The following GRAMD2B variants were observed in gnomAD, a reference collection of about 807,000 sequenced individuals.
GRAMD2B encodes GRAM domain-containing protein 2B.
GRAMD2B carries 41 observed loss-of-function variants against 59.2 expected under a neutral mutation model. The observed-to-expected ratio is 0.69, with a 90% CI of 0.54 to 0.90. GRAMD2B has a LOEUF of 0.90. Among genes scored for constraint, GRAMD2B ranks in the 40% least tolerant of loss-of-function variants. The probability of loss-of-function intolerance (pLI) is 0.00; values close to 1 mark genes in which losing one functional copy is unlikely to be tolerated. For synonymous variants in GRAMD2B, 161 were observed against 182.7 expected (o/e 0.88, Z 0.96); for missense variants, 424 against 500.5 (o/e 0.85, Z 1.46).
chr5:126,385,009 G>A (rs994630351), intron 1 of GRAMD2B, among the ~76,000 whole-genome samples: 3 of 152,184 alleles, frequency 2.0e-5, no homozygotes, highest in African/African-American at 4.8e-5. Flanking sequence ...AGTAGACAAC[G>A]ATAAATGCTA....
chr5:126,452,417 T>C (rs1765543361), intron 1 of GRAMD2B, among the ~76,000 whole-genome samples: 1 of 152,162 alleles, frequency 6.6e-6, no homozygotes, highest in South Asian at 2.1e-4. Flanking sequence ...GACACAAACA[T>C]TCAGACCATA....
At chr5:126,491,475 C>T (rs1451883731) in intron 13 of GRAMD2B, among the ~76,000 whole-genome samples, 1 of 152,212 alleles carries the variant, frequency 6.6e-6, no homozygotes, top group Non-Finnish European at 1.5e-5. Flanking sequence ...ACTCATCCTG[C>T]TACTTCAGCT....
At chr5:126,475,934 C>G (rs1770501782) in intron 5 of GRAMD2B, among the ~76,000 whole-genome samples, 1 of 152,160 alleles carries the variant, frequency 6.6e-6, no homozygotes, top group Admixed American at 6.5e-5. Flanking sequence ...CATAGAGAAA[C>G]CCCTTCTCTA....
chr5:126,430,935 G>T (rs979326751), intron 1 of GRAMD2B, among the ~76,000 whole-genome samples: 2 of 152,054 alleles, frequency 1.3e-5, no homozygotes, highest in Non-Finnish European at 2.9e-5. Context: ...TTTATTACTG[G>T]TTTTTTTAAG....
At chr5:126,443,875 C>T (rs187829839) in intron 1 of GRAMD2B, among the ~76,000 whole-genome samples, 36 of 152,146 alleles carry the variant, frequency 2.4e-4, no homozygotes, top group East Asian at 9.7e-4. Flanking sequence ...CATAGTGAAA[C>T]GCTGTCTCTA....
chr5:126,415,013 C>G lies in GRAMD2B; in HGVS notation c.125+43446C>G, dbSNP rs184515718. Among the ~76,000 whole-genome samples the G allele has an allele frequency of 2.2e-4, 33 of 152,192 alleles. No homozygotes were observed. The East Asian group carries it at 6.4e-3, about 29-fold the overall frequency. ...CTGCTATAATTATGCAATCTAGGGC[C>G]CTTTCCTTAAGGCCAGTAGTTCTAT... On this transcript the variant is annotated intron_variant, in intron 1 of 8. Coordinates refer to the GRAMD2B transcript ENST00000506445.
At chr5:126,377,700 C>T (rs990474789) in intron 1 of GRAMD2B, among the ~76,000 whole-genome samples, 7 of 152,184 alleles carry the variant, frequency 4.6e-5, no homozygotes, top group African/African-American at 1.4e-4. Context: ...ATTAGAATGG[C>T]TTCCAGGAAT....
intron 1 of GRAMD2B, among the ~76,000 whole-genome samples, chr5:126,405,425 C>G (rs1758184523): frequency 6.6e-6 from 1 of 151,900 alleles, no homozygotes; most frequent in Admixed American, 6.6e-5. Context: ...CATTCCTGAA[C>G]CTAAGCTTCC....
chr5:126,393,559 G>A (rs1173242001), intron 1 of GRAMD2B, among the ~76,000 whole-genome samples: 1 of 152,106 alleles, frequency 6.6e-6, no homozygotes, highest in Non-Finnish European at 1.5e-5. Context: ...TTACCTGTAA[G>A]GCATGTGGAA....
At position 126,474,678 on chromosome 5, in the gene GRAMD2B, A is replaced by AGTCTTT. The variant is rs537433971; in HGVS notation, c.486+1313_486+1318dup. Among the ~76,000 whole-genome samples, 98 of 152,338 alleles carry AGTCTTT rather than the reference A, an allele frequency of 6.4e-4. 1 individual carries two copies. The highest frequency in any genetic ancestry group is 2.3e-3 in the African/African-American group (95 of 41,590). On this transcript the variant is annotated intron_variant, in intron 5 of 13. Coordinates refer to ENST00000285689, the MANE Select transcript of GRAMD2B (RefSeq NM_023927.4). ...TGAAGATACTAATGAACAAAGTATT[A>AGTCTTT]GTCTTTGTTAAGGGATGGGGGATTC...
chr5:126,440,347 C>A (rs992742524), intron 1 of GRAMD2B, among the ~76,000 whole-genome samples: 1 of 152,134 alleles, frequency 6.6e-6, no homozygotes, highest in South Asian at 2.1e-4. Flanking sequence ...GAAAACATTT[C>A]AGAATGATTC....
intron 1 of GRAMD2B, among the ~76,000 whole-genome samples, chr5:126,424,041 T>G (rs1166293969): frequency 6.6e-6 from 1 of 152,224 alleles, no homozygotes; most frequent in Non-Finnish European, 1.5e-5. Flanking sequence ...TCATTTTAGT[T>G]CAGCAAATAA....
chr5:126,414,184 T>C (rs1241189635), intron 1 of GRAMD2B, among the ~76,000 whole-genome samples: 2 of 152,170 alleles, frequency 1.3e-5, no homozygotes, highest in Non-Finnish European at 2.9e-5. Context: ...CCAGCTCTCA[T>C]CACCTGATTC....
intron 1 of GRAMD2B, chr5:126,360,579 T>C (rs1037445373): frequency 1.0e-6 from 1 of 988,384 alleles, no homozygotes; most frequent in Admixed American, 3.0e-5. Flanking sequence ...ATGTCTTTGA[T>C]TGCCCACTGG....
chr5:126,468,946 T>A (rs1769004316), intron 2 of GRAMD2B, among the ~76,000 whole-genome samples: 1 of 152,216 alleles, frequency 6.6e-6, no homozygotes, highest in African/African-American at 2.4e-5. Flanking sequence ...CAAACTGTGT[T>A]ATGGGCCCCA....
intron 1 of GRAMD2B, among the ~76,000 whole-genome samples, chr5:126,463,055 G>C (rs969421707): frequency 1.3e-5 from 2 of 152,198 alleles, no homozygotes; most frequent in Non-Finnish European, 2.9e-5. Flanking sequence ...GCACACAAAT[G>C]CCTGACCAAG....
intron 1 of GRAMD2B, among the ~76,000 whole-genome samples, chr5:126,361,708 C>G (rs1476447221): frequency 6.6e-6 from 1 of 152,138 alleles, no homozygotes; most frequent in Non-Finnish European, 1.5e-5. Flanking sequence ...AGCCCAGTCA[C>G]CAAACCCTAC....
intron 1 of GRAMD2B, among the ~76,000 whole-genome samples, chr5:126,464,129 G>A (rs571512883): frequency 2.0e-5 from 3 of 152,082 alleles, no homozygotes; most frequent in African/African-American, 4.8e-5. Flanking sequence ...AGGACTCCTC[G>A]CCTAGGCTGC....
chr5:126,367,452 G>GAGGAGA (rs1754510849), upstream of GRAMD2B, among the ~76,000 whole-genome samples: 1 of 151,412 alleles, frequency 6.6e-6, no homozygotes, highest in Non-Finnish European at 1.5e-5. Flanking sequence ...GGAGGAGGAG[G>GAGGAGA]AGGAGGAGGA....
Sources: allele counts gnomAD v4.1 joint callset (sites outside exome capture counted in the v4.1 genomes callset), GRCh38; gene constraint gnomAD v4.1.1; transcripts MANE v1.5; gene names NCBI Gene and HGNC (gene_info 2026-07-23, HGNC 2026-07-21).